Variants in SORCS1 observed in about 807,000 individuals in gnomAD.
SORCS1 encodes sortilin related VPS10 domain containing receptor 1.
In SORCS1, 60 loss-of-function variants were observed where a neutral mutation model predicts 146.1. The ratio of observed to expected loss-of-function variants is 0.41; its 90% CI spans 0.33 to 0.51. The LOEUF (loss-of-function observed/expected upper bound fraction) is 0.51, where lower values mean the gene tolerates loss of function less well. Ranked by LOEUF, SORCS1 falls within the 20% of genes least tolerant of loss-of-function variation. SORCS1 has a pLI of 0.21. For missense variants in SORCS1, 1,352 were observed against 1,487.6 expected (o/e 0.91, Z 1.50); for synonymous variants, 637 against 584.0 (o/e 1.09, Z -1.31).
Position 106,754,761 on chromosome 10 carries a change from CT to C in SORCS1, c.959+6826del, listed in dbSNP as rs748833546. ...GCTATATAATACAGATGTCATATAA[CT>C]CCCGGAGGGACATCCTTGAAACATA... is the stretch of plus-strand genomic sequence containing the variant. On this transcript the variant is annotated intron_variant, in intron 5 of 25. Coordinates refer to ENST00000263054, the MANE Select transcript of SORCS1 (RefSeq NM_052918.5). Among the ~76,000 whole-genome samples, 529 of 152,286 alleles carry C rather than the reference CT, an allele frequency of 3.5e-3. 10 individuals are homozygous for C. The highest frequency in any genetic ancestry group is 0.012 in the African/African-American group (510 of 41,558).
chr10:106,900,696 G>A (rs1489531465), intron 2 of SORCS1, among the ~76,000 whole-genome samples: 1 of 152,070 alleles, frequency 6.6e-6, no homozygotes, highest in Non-Finnish European at 1.5e-5. Context: ...ATTTTCAGGG[G>A]TTGTCTTGCA....
At chr10:107,031,825 G>A (rs985835384) in intron 1 of SORCS1, among the ~76,000 whole-genome samples, 5 of 152,138 alleles carry the variant, frequency 3.3e-5, no homozygotes, top group Admixed American at 2.0e-4. Flanking sequence ...CCATATTTGT[G>A]TTCCACACTA....
intron 6 of SORCS1, among the ~76,000 whole-genome samples, chr10:106,721,451 GAA>G (rs1855775040): frequency 8.9e-5 from 1 of 11,234 alleles, no homozygotes; most frequent in African/African-American, 1.0e-4. Context: ...AAAGTTCACT[GAA>G]GAAGAAATAA....
chr10:107,043,715 A>C (rs1959191801), intron 1 of SORCS1, among the ~76,000 whole-genome samples: 2 of 151,862 alleles, frequency 1.3e-5, no homozygotes, highest in South Asian at 4.2e-4. Context: ...CTCAAGTTTC[A>C]CCACCACCAG....
At chr10:106,680,452 C>T (rs1006877149) in intron 10 of SORCS1, among the ~76,000 whole-genome samples, 11 of 152,022 alleles carry the variant, frequency 7.2e-5, no homozygotes, top group Admixed American at 1.3e-4. Flanking sequence ...TCCAAATACC[C>T]GCCAGACAAC....
At chr10:106,625,736 G>A (rs891646559) in intron 19 of SORCS1, among the ~76,000 whole-genome samples, 2 of 152,170 alleles carry the variant, frequency 1.3e-5, no homozygotes, top group African/African-American at 4.8e-5. Flanking sequence ...AAGCAGTTTA[G>A]GAAGGACTAC....
intron 2 of SORCS1, among the ~76,000 whole-genome samples, chr10:106,896,447 A>AG (rs1951481479): frequency 6.6e-6 from 1 of 151,004 alleles, no homozygotes; most frequent in Non-Finnish European, 1.5e-5. Context: ...AAAAAAAAAA[A>AG]GAAATGAAAA....
the SORCS1 span, among the ~76,000 whole-genome samples, chr10:107,173,223 G>A: frequency 6.6e-6 from 1 of 152,168 alleles, no homozygotes; most frequent in Non-Finnish European, 1.5e-5. Flanking sequence ...GTCTAGCAGT[G>A]CAGGGGGTGT....
intron 2 of SORCS1, among the ~76,000 whole-genome samples, chr10:106,951,241 G>A (rs538284947): frequency 6.6e-6 from 1 of 152,278 alleles, no homozygotes; most frequent in East Asian, 1.9e-4. Context: ...GCCGGGCACG[G>A]TGGTTAACGC....
chr10:106,866,740 C>T (rs989901248), intron 2 of SORCS1, among the ~76,000 whole-genome samples: 1 of 152,154 alleles, frequency 6.6e-6, no homozygotes, highest in African/African-American at 2.4e-5. Context: ...AGCCTCAGCA[C>T]CAAAAATATC....
rs115743688 is a variant in SORCS1, at chr10:106,825,006, C to G, written c.726+4568G>C. 2.4e-3 allele frequency among the ~76,000 whole-genome samples: 365 copies of G among 152,290 alleles called. 1 individual carries two copies. The highest frequency in any genetic ancestry group is 7.4e-3 in the African/African-American group (307 of 41,578). ...TGCTGAGACCACAAGGATAAAACAA[C>G]TAAAAGAATTGGCTTTTCCAAGTAA... On this transcript the variant is annotated intron_variant, in intron 3 of 25. Transcript: ENST00000263054.
intron 2 of SORCS1, among the ~76,000 whole-genome samples, chr10:106,922,011 T>C (rs886708376): frequency 6.6e-6 from 1 of 152,136 alleles, no homozygotes; most frequent in African/African-American, 2.4e-5. Context: ...ACTTCTGAAG[T>C]CCCAGAAGTA....
At chr10:106,658,582 G>A (rs1368278851) in intron 17 of SORCS1, among the ~76,000 whole-genome samples, 1 of 152,160 alleles carries the variant, frequency 6.6e-6, no homozygotes, top group Non-Finnish European at 1.5e-5. Context: ...TAGGCTTAAT[G>A]AAGCAGGAAA....
chr10:106,939,651 T>C (rs1400490133), intron 2 of SORCS1, among the ~76,000 whole-genome samples: 1 of 152,166 alleles, frequency 6.6e-6, no homozygotes, highest in Non-Finnish European at 1.5e-5. Flanking sequence ...ACCTTGCTAA[T>C]ACATCCCAGC....
At chr10:107,101,219 AT>A (rs1964901968) in intron 1 of SORCS1, among the ~76,000 whole-genome samples, 1 of 152,046 alleles carries the variant, frequency 6.6e-6, no homozygotes, top group Non-Finnish European at 1.5e-5. Flanking sequence ...AATAGTTTAT[AT>A]TTTTATTAGA....
chr10:107,092,960 T>C (rs1291404041), intron 1 of SORCS1, among the ~76,000 whole-genome samples: 1 of 146,320 alleles, frequency 6.8e-6, no homozygotes. Context: ...AAAGAAACCA[T>C]AGCAATAATA....
rs191141563 is a variant in SORCS1, at chr10:106,850,900, A to G, written c.627-21227T>C. On this transcript the variant is annotated intron_variant, in intron 2 of 25. Coordinates refer to ENST00000263054, the MANE Select transcript of SORCS1 (RefSeq NM_052918.5). ...CTATTCTAGGCCTAGGAGTCTACCTATCAGTAAAACATCACTATCTTCTAG... is the reference window on the plus strand; with the variant it reads ...CTATTCTAGGCCTAGGAGTCTACCTGTCAGTAAAACATCACTATCTTCTAG... Among the ~76,000 whole-genome samples, 16 of 152,230 alleles carry G rather than the reference A, an allele frequency of 1.1e-4. No individual in the cohort carries two copies. The East Asian group carries it at 3.1e-3, about 29-fold the overall frequency.
At chr10:107,132,942 T>G (rs1399376455) in intron 1 of SORCS1, among the ~76,000 whole-genome samples, 1 of 152,170 alleles carries the variant, frequency 6.6e-6, no homozygotes, top group Admixed American at 6.5e-5. Context: ...ACAATCACAC[T>G]TTTGGAAGAG....
Position 107,023,598 on chromosome 10 carries a change from C to T in SORCS1, c.559-67018G>A, listed in dbSNP as rs536031688. 9.2e-5 allele frequency among the ~76,000 whole-genome samples: 14 copies of T among 152,136 alleles called. No individual in the cohort carries two copies. The East Asian group carries it at 2.7e-3, about 29-fold the overall frequency. ...AATAATTCAAGATAGTACACGATTA[C>T]ATATTAATATATAGTAGAGACCGGA... On this transcript the variant is annotated intron_variant, in intron 1 of 25. Transcript: ENST00000263054.
Sources: gnomAD v4.1 joint callset for allele counts (sites outside exome capture counted in the v4.1 genomes callset) on GRCh38, gnomAD v4.1.1 for gene constraint, MANE v1.5 for transcripts, NCBI Gene and HGNC (gene_info 2026-07-23, HGNC 2026-07-21) for gene names.